TTLL5: variants seen among roughly 807,000 people sequenced by gnomAD.
TTLL5 encodes the protein tubulin polyglutamylase TTLL5.
A neutral mutation model predicts 168.4 loss-of-function variants in TTLL5; 132 were observed. That is an observed-to-expected ratio of 0.78 (90% CI 0.68 to 0.91). TTLL5 has a LOEUF of 0.91. TTLL5 is among the 40% of genes least tolerant of loss of function. The probability of loss-of-function intolerance (pLI) is 0.00; values close to 1 mark genes in which losing one functional copy is unlikely to be tolerated. For missense variants in TTLL5, 1,545 were observed against 1,581.5 expected (o/e 0.98, Z 0.39); for synonymous variants, 546 against 558.6 (o/e 0.98, Z 0.32).
intron 31 of TTLL5, among the ~76,000 whole-genome samples, chr14:75,937,601 A>G (rs2034473503): frequency 6.6e-6 from 1 of 152,152 alleles, no homozygotes; most frequent in South Asian, 2.1e-4. Context: ...GGTACCTCAT[A>G]TAAGTGGAAT....
chr14:75,778,736 AC>A (rs1362694847), intron 23 of TTLL5, among the ~76,000 whole-genome samples: 3 of 152,214 alleles, frequency 2.0e-5, no homozygotes, highest in African/African-American at 7.2e-5. Flanking sequence ...AGAAGCTGCT[AC>A]AGATGTTAAA....
chr14:75,845,154 A>G (rs879423003), intron 28 of TTLL5, among the ~76,000 whole-genome samples: 4 of 152,174 alleles, frequency 2.6e-5, no homozygotes, highest in African/African-American at 4.8e-5. Context: ...TTCTAAAGCT[A>G]GTGTCCTGTT....
intron 28 of TTLL5, among the ~76,000 whole-genome samples, chr14:75,825,155 C>T (rs899118777): frequency 2.0e-5 from 3 of 152,116 alleles, no homozygotes; most frequent in Admixed American, 6.6e-5. Flanking sequence ...ATGGTTTTTA[C>T]TTTTTACTTT....
Position 75,858,460 on chromosome 14 carries a change from A to G in TTLL5, c.3327-5207A>G, listed in dbSNP as rs568180711. Among the ~76,000 whole-genome samples the G allele has an allele frequency of 2.6e-5, 4 of 152,376 alleles. No homozygotes were observed. The East Asian group carries it at 5.8e-4, about 22-fold the overall frequency. Reference sequence around the variant, plus strand: ...CTGTCTGACAAAATGAGATGTACACATAAAGCAATTCGGCTGCTTAGTATG... The same window carrying G: ...CTGTCTGACAAAATGAGATGTACACGTAAAGCAATTCGGCTGCTTAGTATG... On this transcript the variant is annotated intron_variant, in intron 28 of 31. Coordinates refer to ENST00000298832, the MANE Select transcript of TTLL5 (RefSeq NM_015072.5).
chr14:75,951,798 TG>T lies in TTLL5; in HGVS notation c.3824-2623del, dbSNP rs569136399. On this transcript the variant is annotated intron_variant, in intron 31 of 31. Coordinates refer to ENST00000298832, the MANE Select transcript of TTLL5 (RefSeq NM_015072.5). Reference sequence around the variant, plus strand: ...TAGAATGAAGAGACAAGTCACAAACTGGGTGAAGATGTTTGTAATACATAAA... The same window carrying T: ...TAGAATGAAGAGACAAGTCACAAACTGGTGAAGATGTTTGTAATACATAAA... Among the ~76,000 whole-genome samples the T allele has an allele frequency of 4.6e-3, 700 of 152,274 alleles. 1 individual carries two copies. The highest frequency in any genetic ancestry group is 7.0e-3 in the Non-Finnish European group (473 of 68,018).
intron 6 of TTLL5, among the ~76,000 whole-genome samples, chr14:75,694,025 C>T (rs1282979802): frequency 6.6e-6 from 1 of 152,202 alleles, no homozygotes; most frequent in Non-Finnish European, 1.5e-5. Context: ...GATCTTTCTA[C>T]TCCAGGTTCA....
At chr14:75,788,018 G>A (rs1485781277) in intron 26 of TTLL5, among the ~76,000 whole-genome samples, 1 of 152,170 alleles carries the variant, frequency 6.6e-6, no homozygotes, top group African/African-American at 2.4e-5. Flanking sequence ...ATTATAGTTG[G>A]TGTGCACCTG....
At chr14:75,892,540 T>G (rs1327365286) in intron 30 of TTLL5, among the ~76,000 whole-genome samples, 1 of 152,164 alleles carries the variant, frequency 6.6e-6, no homozygotes, top group Non-Finnish European at 1.5e-5. Context: ...TTTATACTTG[T>G]CATAACTGGG....
chr14:75,925,312 G>T (rs1418867548), intron 31 of TTLL5, among the ~76,000 whole-genome samples: 1 of 151,554 alleles, frequency 6.6e-6, no homozygotes, highest in African/African-American at 2.4e-5. Context: ...CGGTTGCCAG[G>T]TGGAGGGTCT....
chr14:75,716,955 C>T (rs182027099), intron 9 of TTLL5, among the ~76,000 whole-genome samples: 2 of 152,160 alleles, frequency 1.3e-5, no homozygotes, highest in Admixed American at 6.5e-5. Flanking sequence ...ATATTTATGC[C>T]GTTTTGCTTT....
intron 12 of TTLL5, among the ~76,000 whole-genome samples, chr14:75,723,425 A>G (rs908534585): frequency 6.6e-6 from 1 of 152,108 alleles, no homozygotes; most frequent in Non-Finnish European, 1.5e-5. Context: ...GAAGATGGGG[A>G]TGAGGGGTTG....
rs143218190 is a variant in TTLL5 at position 75,719,742 on chromosome 14, G to C, written c.850G>C (p.Asp284His). The C allele has an allele frequency of 6.2e-7, 1 of 1,607,710 alleles. No individual in the cohort carries two copies. Among genetic ancestry groups the C allele is most frequent in the East Asian group, 2.2e-5 (1 of 44,456 alleles). Residue 284 changes from aspartate (D) to histidine (H), a missense_variant, in exon 11 of 32, where the codon GAT becomes CAT. By Grantham distance (81) the Asp-to-His change is moderately conservative (BLOSUM62 -1). Coordinates refer to ENST00000298832, the MANE Select transcript of TTLL5 (RefSeq NM_015072.5). The part of the protein sequence containing the change: ...KKSGDYVSCD[D>H]PEVEDYGNKW... ...TTTATTAATTTGTTTTAGTTGTGACGATCCAGAAGTGGAGGATTATGGAAA... is the reference window on the plus strand; with the variant it reads ...TTTATTAATTTGTTTTAGTTGTGACCATCCAGAAGTGGAGGATTATGGAAA...
At chr14:75,695,574 C>T (rs1406208324) in intron 6 of TTLL5, among the ~76,000 whole-genome samples, 2 of 152,152 alleles carry the variant, frequency 1.3e-5, no homozygotes, top group Non-Finnish European at 2.9e-5. Flanking sequence ...ATCATGGAAC[C>T]TGCCAACATG....
At chr14:75,783,822 A>T (rs970550101) in intron 26 of TTLL5, among the ~76,000 whole-genome samples, 4 of 152,224 alleles carry the variant, frequency 2.6e-5, no homozygotes, top group African/African-American at 9.6e-5. Flanking sequence ...CCTGTCACAG[A>T]TAACCATCTA....
chr14:75,781,403 AC>A (rs1892041571), intron 24 of TTLL5, among the ~76,000 whole-genome samples: 1 of 152,176 alleles, frequency 6.6e-6, no homozygotes, highest in African/African-American at 2.4e-5. Flanking sequence ...TGACAGTGTT[AC>A]CACTGCTATT....
chr14:75,863,774 G>A lies in TTLL5; in HGVS notation c.3434G>A (p.Ser1145Asn). The A allele has an allele frequency of 6.2e-7, 1 of 1,613,892 alleles. No homozygotes were observed. The highest frequency in any genetic ancestry group is 8.5e-7 in the Non-Finnish European group (1 of 1,179,968). ...PQHKYHPTAGSYQLQFALQQL... is the reference protein window; with the variant it reads ...PQHKYHPTAGNYQLQFALQQL... Reference sequence around the variant, plus strand: ...CACAAGTATCACCCCACAGCAGGCAGCTATCAGCTTCAATTTGCCCTGCAG... The same window carrying A: ...CACAAGTATCACCCCACAGCAGGCAACTATCAGCTTCAATTTGCCCTGCAG... Residue 1145 changes from serine to asparagine, a missense_variant, in exon 29 of 32, where the codon AGC (serine) becomes AAC (asparagine). Coordinates refer to ENST00000298832, the MANE Select transcript of TTLL5 (RefSeq NM_015072.5).
chr14:75,862,191 C>T lies in TTLL5; in HGVS notation c.3327-1476C>T, dbSNP rs115598065. Among the ~76,000 whole-genome samples the T allele has an allele frequency of 5.7e-3, 864 of 152,314 alleles. 11 individuals carry two copies. The highest frequency in any genetic ancestry group is 0.019 in the African/African-American group (808 of 41,548). On this transcript the variant is annotated intron_variant, in intron 28 of 31. Coordinates refer to ENST00000298832, the MANE Select transcript of TTLL5 (RefSeq NM_015072.5). ...TGTGCTGCAGCATATGTCAGAATTT[C>T]CTTTCTCTTTAAGCCTGAGTAATAT...
In TTLL5 at chr14:75,792,013, A is replaced by C. The variant is rs185860589; in HGVS notation, c.2987-903A>C. ...AACCTTGAACTCCTGGGCTTAAGCA[A>C]TCCTCCTGCCTCAGCCTCCCAAGTA... On this transcript the variant is annotated intron_variant, in intron 26 of 31. Transcript: ENST00000298832. Among the ~76,000 whole-genome samples the C allele has an allele frequency of 1.4e-4, 22 of 152,018 alleles. No homozygotes were observed. The East Asian group carries it at 4.3e-3, about 29-fold the overall frequency.
intron 27 of TTLL5, among the ~76,000 whole-genome samples, chr14:75,807,538 G>A (rs1372289857): frequency 1.3e-5 from 2 of 152,192 alleles, no homozygotes; most frequent in African/African-American, 4.8e-5. Context: ...CTGTGCCAAG[G>A]ACTTTATATG....
Sources: gnomAD v4.1 joint callset for allele counts (sites outside exome capture counted in the v4.1 genomes callset) on GRCh38, gnomAD v4.1.1 for gene constraint, MANE v1.5 for transcripts, NCBI Gene and HGNC (gene_info 2026-07-23, HGNC 2026-07-21) for gene names.